PJVK: variants seen among roughly 807,000 people sequenced by gnomAD.
PJVK encodes pejvakin.
In PJVK, 33 loss-of-function variants were observed where a neutral mutation model predicts 37.6. The ratio of observed to expected loss-of-function variants is 0.88; its 90% CI spans 0.67 to 1.17. The LOEUF is 1.17. PJVK is among the 50% of genes most tolerant of loss of function. PJVK has a pLI of 0.00. For missense variants in PJVK, 410 were observed against 413.8 expected, an observed-to-expected ratio of 0.99 and a Z score of 0.08; for synonymous variants, 141 against 143.5, an observed-to-expected ratio of 0.98 and a Z score of 0.13.
At position 178,457,508 on chromosome 2, in the gene PJVK, C is replaced by T. The variant is rs189454566; in HGVS notation, c.550-1002C>T. Among the ~76,000 whole-genome samples, 27 of 152,274 alleles carry T rather than the reference C, an allele frequency of 1.8e-4. 1 individual carries two copies. In the East Asian group the frequency reaches 3.1e-3, roughly 17 times the overall value. ...GCACATGCCTATAGTCCCAGCTACT[C>T]GGAAGGCTGAGGCAGGGGGCTGCCT... On this transcript the variant is annotated intron_variant, in intron 4 of 6. Coordinates refer to ENST00000644580, the MANE Select transcript of PJVK (RefSeq NM_001042702.5).
intron 4 of PJVK, among the ~76,000 whole-genome samples, chr2:178,458,038 C>G (rs1684243064): frequency 6.6e-6 from 1 of 152,130 alleles, no homozygotes; most frequent in Non-Finnish European, 1.5e-5. Flanking sequence ...TTCGCATATT[C>G]AGCTGCCTGT....
chr2:178,456,199 G>A, intron 4 of PJVK, 48 bp downstream of exon 4: 1 of 1,597,536 alleles, frequency 6.3e-7, no homozygotes, highest in South Asian at 1.1e-5. Context: ...TGTTGCCATG[G>A]GAATTTTTTT....
In PJVK at chr2:178,461,041, G is replaced by A. The variant is rs374040129; in HGVS notation, c.826G>A (p.Asp276Asn). Reference protein sequence around the residue: ...SQLYLDDLFSDYYDKPLSMTD... With the variant: ...SQLYLDDLFSNYYDKPLSMTD... ...GCTTTACTTGGATGATCTTTTTTCT[G>A]ACTACTATGACAAACCTCTCAGCAT... The change falls in exon 7 of 7, where the codon GAC (aspartate) becomes AAC (asparagine). Residue 276 changes from aspartate (D) to asparagine (N), a missense_variant. Coordinates refer to ENST00000644580, the MANE Select transcript of PJVK (RefSeq NM_001042702.5). 69 of 1,613,570 alleles carry A rather than the reference G, an allele frequency of 4.3e-5. No homozygotes were observed. In the African/African-American group the frequency reaches 8.4e-4, roughly 20 times the overall value.
chr2:178,457,602 G>T (rs1473016263), intron 4 of PJVK, among the ~76,000 whole-genome samples: 1 of 114,972 alleles, frequency 8.7e-6, no homozygotes, highest in Admixed American at 8.1e-5. Flanking sequence ...TGCTGGGGAA[G>T]ATGTAGCAGT....
chr2:178,452,631 G>A (rs1697760475), intron 1 of PJVK: 6 of 985,262 alleles, frequency 6.1e-6, no homozygotes, highest in South Asian at 4.7e-5. Context: ...TATAGCTCTT[G>A]TTAAAGGTTA....
intron 2 of PJVK, 31 bp downstream of exon 2, chr2:178,453,651 A>C (rs751301575): frequency 6.4e-7 from 1 of 1,557,514 alleles, no homozygotes; most frequent in Admixed American, 1.8e-5. Flanking sequence ...GTGCCAACTC[A>C]TTCATCTGTA....
Position 178,451,383 on chromosome 2 carries a change from G to A in PJVK, c.-409G>A. ...CGCCCGCCCCTGCCGGCCCTGACCA[G>A]CCTGTAGTAACTGGCCCCTAGGCCG... On this transcript the variant is annotated 5_prime_UTR_variant, in exon 1 of 7. Transcript: ENST00000644580. 3 of 335,722 alleles carry A rather than the reference G, an allele frequency of 8.9e-6. No homozygotes were observed. The highest frequency in any genetic ancestry group is 3.8e-5 in the South Asian group (1 of 26,466). 20.8% of individuals were successfully genotyped at this position (335,722 alleles called of 1,614,324 possible). A position where few individuals can be genotyped will look rare whatever the true frequency, so the allele number is the denominator to read the frequency against.
At position 178,461,894 on chromosome 2, in the gene PJVK, T is replaced by A. The variant is rs776001744; in HGVS notation, c.*620T>A. On this transcript the variant is annotated 3_prime_UTR_variant, in exon 7 of 7. Transcript: ENST00000644580. ...CACCGTGCCTGGCCTAGATAACTTT[T>A]TATATAATTAAGAGATTTTTGTAAA... 3.3e-5 allele frequency among the ~76,000 whole-genome samples: 5 copies of A among 152,218 alleles called. No homozygotes were observed. Among genetic ancestry groups the A allele is most frequent in the African/African-American group, 4.8e-5 (2 of 41,454 alleles).
At chr2:178,460,176 CTCCTTTCTGTATG>C (rs1684393009) in intron 5 of PJVK, among the ~76,000 whole-genome samples, 159 bp from the exon 6 acceptor site, 1 of 152,200 alleles carries the variant, frequency 6.6e-6, no homozygotes, top group Admixed American at 6.5e-5. Flanking sequence ...GTCACTGTAT[CTCCTTTCTGTATG>C]AATTTTGTAC....
chr2:178,461,502 T>G lies in PJVK; in HGVS notation c.*228T>G. 2.1e-6 allele frequency: 1 copy of G among 487,292 alleles called. No individual in the cohort carries two copies. The highest frequency in any genetic ancestry group is 3.6e-6 in the Non-Finnish European group (1 of 275,120). The allele number at this position is 487,292 out of a possible 1,614,324, so 30.2% of individuals were successfully genotyped here. A position where few individuals can be genotyped will look rare whatever the true frequency, so the allele number is the denominator to read the frequency against. On this transcript the variant is annotated 3_prime_UTR_variant, in exon 7 of 7. Transcript: ENST00000644580. ...TAACATTGTTTATATCAAAAAAGAT[T>G]TACATATAAAATTCAGAGATTATGA...
chr2:178,451,804 AC>A (rs1345158400), intron 1 of PJVK, 35 bp downstream of exon 1: 1 of 985,256 alleles, frequency 1.0e-6, no homozygotes, highest in Non-Finnish European at 1.2e-6. Context: ...TTAGGAGTAA[AC>A]GAAGGCCTTT....
In PJVK at chr2:178,454,470, G is replaced by A. The variant is rs1032088430; in HGVS notation, c.350G>A (p.Gly117Asp). ...TCCATTGCAGTGAAAGCTTCATTTG[G>A]TATAGTAACCAAACATGAAGTGGAA... ...SDSIAVKASFGIVTKHEVEVS... is the reference protein window; with the variant it reads ...SDSIAVKASFDIVTKHEVEVS... Residue 117 changes from glycine to aspartate, a missense_variant, in exon 3 of 7, where the codon GGT becomes GAT. Physicochemically the swap from Gly to Asp is moderately conservative, Grantham distance 94 (BLOSUM62 -1). Coordinates refer to ENST00000644580, the MANE Select transcript of PJVK (RefSeq NM_001042702.5). 3.1e-6 allele frequency: 5 copies of A among 1,613,750 alleles called. No individual in the cohort carries two copies. In the African/African-American group the frequency reaches 6.7e-5, roughly 22 times the overall value.
intron 3 of PJVK, among the ~76,000 whole-genome samples, chr2:178,455,644 A>G (rs576160034): frequency 8.2e-5 from 11 of 133,844 alleles, no homozygotes; most frequent in African/African-American, 3.1e-4. Context: ...TTGCCCAGCT[A>G]AAAAAAAAAA....
chr2:178,459,400 T>G, intron 5 of PJVK: 1 of 331,754 alleles, frequency 3.0e-6, no homozygotes, highest in Non-Finnish European at 6.3e-6. Flanking sequence ...TATTTTTAAT[T>G]TTTGTGGCTA....
rs727502959 is a variant in PJVK, at chr2:178,454,542, C to G, written c.407+15C>G. 31 of 1,607,052 alleles carry G rather than the reference C, an allele frequency of 1.9e-5. No individual in the cohort carries two copies. The East Asian group carries it at 6.5e-4, about 34-fold the overall frequency. On this transcript the variant is annotated intron_variant, in intron 3 of 6. Transcript: ENST00000644580. The stretch of plus-strand genomic sequence containing the variant: ...ATTACTACACGGTCAGTATAATAAT[C>G]CTAATATATTTCAGTGTTTTCATTA...
chr2:178,460,515 T>C, intron 6 of PJVK, 69 bp downstream of exon 6: 1 of 1,373,998 alleles, frequency 7.3e-7, no homozygotes, highest in Non-Finnish European at 1.0e-6. Context: ...TGAGGTTTTC[T>C]ATTCAGTAAT....
chr2:178,455,273 A>G, intron 3 of PJVK: 2 of 1,440,704 alleles, frequency 1.4e-6, no homozygotes, highest in Middle Eastern at 2.2e-4. Context: ...AGACCTGGAC[A>G]GTGAGACTCA....
At chr2:178,452,620 A>T (rs1399135867) in intron 1 of PJVK, 1 of 985,322 alleles carries the variant, frequency 1.0e-6, no homozygotes, top group Non-Finnish European at 1.2e-6. Context: ...CCAGAACTTT[A>T]TATAGCTCTT....
At chr2:178,457,309 G>C (rs1347534366) in intron 4 of PJVK, among the ~76,000 whole-genome samples, 3 of 152,182 alleles carry the variant, frequency 2.0e-5, no homozygotes, top group Non-Finnish European at 4.4e-5. Flanking sequence ...TTCAAGGTTA[G>C]TTAAATCCTT....
Sources: allele counts gnomAD v4.1 joint callset (sites outside exome capture counted in the v4.1 genomes callset), GRCh38; gene constraint gnomAD v4.1.1; transcripts MANE v1.5; gene names NCBI Gene and HGNC (gene_info 2026-07-23, HGNC 2026-07-21).